XRCC4: variants seen among roughly 807,000 people sequenced by gnomAD.
XRCC4 encodes DNA repair protein XRCC4.
Under a neutral mutation model 39.1 loss-of-function variants are expected in XRCC4, and 28 were observed. The observed-to-expected ratio is 0.72, with a 90% CI of 0.53 to 0.98. The LOEUF (loss-of-function observed/expected upper bound fraction) is 0.98. XRCC4 is among the 50% of genes least tolerant of loss of function. The pLI is 0.00. For missense variants in XRCC4, 350 were observed against 376.4 expected, an observed-to-expected ratio of 0.93 and a Z score of 0.58; for synonymous variants, 123 against 126.4, an observed-to-expected ratio of 0.97 and a Z score of 0.18.
the XRCC4 span, among the ~76,000 whole-genome samples, chr5:83,360,498 A>C: frequency 6.6e-6 from 1 of 152,162 alleles, no homozygotes; most frequent in Non-Finnish European, 1.5e-5. Context: ...TCTCATGAAT[A>C]TTTGCTCTTT....
chr5:83,145,736 T>A (rs113866870), intron 3 of XRCC4, among the ~76,000 whole-genome samples: 2,215 of 152,304 alleles, frequency 0.015, 63 homozygotes, highest in African/African-American at 0.051. Context: ...TCTGCTAAAT[T>A]TTAGCTGCTC....
intron 3 of XRCC4, among the ~76,000 whole-genome samples, chr5:83,195,421 A>G (rs1003009693): frequency 1.3e-5 from 2 of 152,204 alleles, no homozygotes; most frequent in South Asian, 2.1e-4. Flanking sequence ...ATTATCATAT[A>G]TAATTCCTTT....
chr5:83,219,344 A>G (rs1751994650), intron 6 of XRCC4, among the ~76,000 whole-genome samples: 1 of 152,102 alleles, frequency 6.6e-6, no homozygotes, highest in Non-Finnish European at 1.5e-5. Context: ...AACAATGCCA[A>G]TAGGTCTATA....
chr5:83,152,756 A>G (rs1175462385), intron 3 of XRCC4, among the ~76,000 whole-genome samples: 1 of 152,062 alleles, frequency 6.6e-6, no homozygotes, highest in East Asian at 1.9e-4. Context: ...ACATAATTGT[A>G]GATTCATATG....
At chr5:83,253,525 T>G (rs1300387121) in intron 6 of XRCC4, among the ~76,000 whole-genome samples, 2 of 151,810 alleles carry the variant, frequency 1.3e-5, no homozygotes. Flanking sequence ...TATATGTATT[T>G]GAGGGGGCTA....
At chr5:83,331,814 T>C (rs1756445287) in intron 7 of XRCC4, among the ~76,000 whole-genome samples, 1 of 152,076 alleles carries the variant, frequency 6.6e-6, no homozygotes, top group East Asian at 1.9e-4. Flanking sequence ...ACAAAGATAA[T>C]TGACTGAAAA....
At chr5:83,103,025 T>TATATATATATATATATATACATAC (rs943955057) in intron 1 of XRCC4, among the ~76,000 whole-genome samples, 1 of 142,658 alleles carries the variant, frequency 7.0e-6, no homozygotes, top group African/African-American at 2.8e-5. Context: ...TATATATATA[T>TATATATATATATATATATACATAC]ATATATGTCA....
chr5:83,136,714 A>G (rs182969442), intron 3 of XRCC4, among the ~76,000 whole-genome samples: 94 of 152,314 alleles, frequency 6.2e-4, no homozygotes, highest in Non-Finnish European at 1.2e-3. Flanking sequence ...AAATTTTAAG[A>G]TTGATTTCTG....
At chr5:83,374,321 T>A in the XRCC4 span, among the ~76,000 whole-genome samples, 3 of 152,194 alleles carry the variant, frequency 2.0e-5, no homozygotes, top group African/African-American at 7.2e-5. Context: ...CAAGATCTGA[T>A]GATTTTATAA....
intron 3 of XRCC4, among the ~76,000 whole-genome samples, chr5:83,156,028 T>C (rs112568477): frequency 6.6e-6 from 1 of 152,034 alleles, no homozygotes; most frequent in African/African-American, 2.4e-5. Context: ...ATCCCCTTTT[T>C]AATTTAAATC....
At chr5:83,191,980 C>T (rs1455641873) in intron 3 of XRCC4, among the ~76,000 whole-genome samples, 1 of 151,964 alleles carries the variant, frequency 6.6e-6, no homozygotes. Context: ...TAATCTTGGA[C>T]TTGAAGGGTT....
At chr5:83,088,274 G>A (rs1745270818) in intron 1 of XRCC4, among the ~76,000 whole-genome samples, 1 of 152,042 alleles carries the variant, frequency 6.6e-6, no homozygotes, top group African/African-American at 2.4e-5. Context: ...TAACTAACAA[G>A]TTTAATTATA....
intron 6 of XRCC4, among the ~76,000 whole-genome samples, chr5:83,222,390 G>T (rs963552150): frequency 6.6e-6 from 1 of 152,044 alleles, no homozygotes; most frequent in Non-Finnish European, 1.5e-5. Flanking sequence ...TGCATTGTTA[G>T]CTTGTATTTA....
intron 7 of XRCC4, among the ~76,000 whole-genome samples, chr5:83,322,303 A>G (rs1756102070): frequency 6.6e-6 from 1 of 152,078 alleles, no homozygotes; most frequent in Admixed American, 6.6e-5. Flanking sequence ...AACTCTATCA[A>G]ATGCTATGAA....
At chr5:83,208,436 A>C (rs1751502437) in intron 6 of XRCC4, among the ~76,000 whole-genome samples, 1 of 152,056 alleles carries the variant, frequency 6.6e-6, no homozygotes. Context: ...TACCGTATTC[A>C]CTCTAGGGAA....
At chr5:83,324,724 A>G (rs1032508355) in intron 7 of XRCC4, among the ~76,000 whole-genome samples, 2 of 152,126 alleles carry the variant, frequency 1.3e-5, no homozygotes, top group Non-Finnish European at 2.9e-5. Context: ...TTTCCTCCCA[A>G]TACATTCTAA....
chr5:83,352,465 A>C (rs953560269), intron 7 of XRCC4, among the ~76,000 whole-genome samples: 5 of 152,240 alleles, frequency 3.3e-5, no homozygotes, highest in African/African-American at 1.2e-4. Context: ...AATAGTGATC[A>C]TGGCAGTCAG....
At position 83,193,640 on chromosome 5, in the gene XRCC4, T is replaced by G. The variant is rs28360122; in HGVS notation, c.316-2130T>G. 4.4e-3 allele frequency among the ~76,000 whole-genome samples: 666 copies of G among 152,334 alleles called. 6 individuals are homozygous for G. The highest frequency in any genetic ancestry group is 0.015 in the African/African-American group (638 of 41,576). ...GGACTTGTTTATCTCTTCATTTGTA[T>G]TTTACTGATTATTTTATTTCAGGAT... On this transcript the variant is annotated intron_variant, in intron 3 of 7. Transcript: ENST00000396027.
intron 7 of XRCC4, among the ~76,000 whole-genome samples, chr5:83,273,969 T>C (rs150917263): frequency 1.6e-4 from 25 of 152,286 alleles, no homozygotes; most frequent in African/African-American, 6.0e-4. Flanking sequence ...TTTCTAGTTG[T>C]AGATACTGCT....
Sources: allele counts gnomAD v4.1 joint callset (sites outside exome capture counted in the v4.1 genomes callset), GRCh38; gene constraint gnomAD v4.1.1; transcripts MANE v1.5; gene names NCBI Gene and HGNC (gene_info 2026-07-23, HGNC 2026-07-21).